The following NLRC5 variants were observed in gnomAD, a reference collection of about 807,000 sequenced individuals.
NLRC5 encodes the protein protein NLRC5.
A neutral mutation model predicts 206.9 loss-of-function variants in NLRC5; 114 were observed. The observed-to-expected ratio is 0.55, with a 90% CI of 0.47 to 0.64. The LOEUF (loss-of-function observed/expected upper bound fraction) is 0.64, where lower values mean the gene tolerates loss of function less well. Among genes scored for constraint, NLRC5 ranks in the 30% least tolerant of loss-of-function variants. NLRC5 has a pLI of 0.00. For missense variants in NLRC5, 2,008 were observed against 2,305.5 expected (o/e 0.87, Z 2.64); for synonymous variants, 952 against 962.8 (o/e 0.99, Z 0.21).
chr16:57,058,246 AC>A, intron 28 of NLRC5, 98 bp downstream of exon 28: 1 of 1,005,214 alleles, frequency 9.9e-7, no homozygotes, highest in Non-Finnish European at 1.5e-6. Context: ...CCCCCAGAGC[AC>A]CAGAGGACAA....
rs778065711 is a variant in NLRC5, at chr16:57,055,100, C to A, written c.3659+6C>A. ...GAGGAAGGCGTGTGCTGTGGGTAAG[C>A]CCCCTTGAACCATGCCTAGGCAGCT... is the stretch of plus-strand genomic sequence containing the variant. On this transcript the variant is annotated splice_donor_region_variant and intron_variant, in intron 26 of 48. Transcript: ENST00000688547. The A allele has an allele frequency of 6.2e-7, 1 of 1,613,890 alleles. No individual in the cohort carries two copies. The highest frequency in any genetic ancestry group is 1.7e-5 in the Admixed American group (1 of 59,992).
intron 33 of NLRC5, 21 bp downstream of exon 33, chr16:57,065,319 C>A: frequency 6.7e-7 from 1 of 1,503,416 alleles, no homozygotes; most frequent in African/African-American, 1.4e-5. Context: ...AGAAGAGGCC[C>A]CTTTGGAATT....
chr16:57,067,424 C>T lies in NLRC5; in HGVS notation c.4360C>T (p.Leu1454Phe), dbSNP rs1175807882. Residue 1454 changes from leucine (L) to phenylalanine (F), a missense_variant, in exon 35 of 49, where the codon CTT becomes TTT. Leu to Phe is a conservative substitution (Grantham distance 22). Transcript: ENST00000688547. ...HCDLGAHHSL[L>F]VGQLMETCAR... ...TGACCTTGGAGCCCACCACAGCCTT[C>T]TTGTCGGGCAGCTGATGGAGACATG... The T allele has an allele frequency of 6.2e-7, 1 of 1,614,136 alleles. No individual in the cohort carries two copies. Among genetic ancestry groups the T allele is most frequent in the Non-Finnish European group, 8.5e-7 (1 of 1,180,054 alleles).
In NLRC5 at chr16:57,081,735, C is replaced by G. The variant is rs539758929; in HGVS notation, c.5489+125C>G. 1.5e-3 allele frequency: 1,100 copies of G among 757,526 alleles called. 31 individuals are homozygous for G. In the South Asian group the frequency reaches 0.017, roughly 12 times the overall value. The allele number at this position is 757,526 out of a possible 1,614,324, so 46.9% of individuals were successfully genotyped here. A position where few individuals can be genotyped will look rare whatever the true frequency, so the allele number is the denominator to read the frequency against. ...GGATTATCAAAGGAGACTTGGACCA[C>G]TCCACCAAGAATTTGGCAGCAAGCA... On this transcript the variant is annotated intron_variant, in intron 48 of 48. Transcript: ENST00000688547.
Position 57,051,540 on chromosome 16 carries a change from T to C in NLRC5, c.3425T>C (p.Leu1142Ser). 6.2e-7 allele frequency: 1 copy of C among 1,612,448 alleles called. No individual in the cohort carries two copies. Among genetic ancestry groups the C allele is most frequent in the South Asian group, 1.1e-5 (1 of 91,044 alleles). Residue 1142 changes from leucine to serine, a missense_variant and splice_region_variant, in exon 24 of 49, where the codon TTG (leucine) becomes TCG (serine). Coordinates refer to ENST00000688547, the MANE Select transcript of NLRC5 (RefSeq NM_001384950.1). ...KDCPGPLELQ[L>S]SCEFLSDQSL... is the part of the protein sequence containing the mutation. ...CATCCACCTGCTTTGTTTCACAGAT[T>C]GTCCTGTGAGTTCCTGAGTGACCAG...
chr16:57,037,795 C>T (rs1477216522), intron 15 of NLRC5, among the ~76,000 whole-genome samples: 3 of 152,256 alleles, frequency 2.0e-5, no homozygotes, highest in Middle Eastern at 3.4e-3. Flanking sequence ...TAAGTCTCGC[C>T]GTTGAGTATG....
At chr16:56,991,678 CTTTTTTTTTTTT>C (rs35559322) in intron 1 of NLRC5, among the ~76,000 whole-genome samples, 75 of 105,632 alleles carry the variant, frequency 7.1e-4, no homozygotes, top group African/African-American at 2.7e-3. Flanking sequence ...GCCCGGACTC[CTTTTTTTTTTTT>C]TTTTTTTTTT....
At chr16:57,076,422 G>A (rs2068406884) in intron 39 of NLRC5, among the ~76,000 whole-genome samples, 1 of 152,214 alleles carries the variant, frequency 6.6e-6, no homozygotes, top group African/African-American at 2.4e-5. Context: ...CCTGAGAACT[G>A]ATCTGCGTGA....
chr16:57,077,044 C>G, intron 40 of NLRC5, 142 bp downstream of exon 40: 1 of 797,434 alleles, frequency 1.3e-6, no homozygotes, highest in South Asian at 1.6e-5. Context: ...AACCTGGGGC[C>G]TAGAAGCTTG....
chr16:57,011,720 C>A (rs76417171), intron 1 of NLRC5, among the ~76,000 whole-genome samples: 9 of 135,866 alleles, frequency 6.6e-5, no homozygotes, highest in East Asian at 4.3e-4. Context: ...GACCCTGTGT[C>A]AAAAAAAAAA....
rs781610538 is a variant in NLRC5, at chr16:57,042,059, C to T, written c.3107C>T (p.Ser1036Phe). Residue 1036 changes from serine (S) to phenylalanine (F), a missense_variant, in exon 19 of 49, where the codon TCC (serine) becomes TTC (phenylalanine). By Grantham distance (155) the Ser-to-Phe change is radical. Coordinates refer to ENST00000688547, the MANE Select transcript of NLRC5 (RefSeq NM_001384950.1). ...QLLPGLGALQSLNLSENGLSL... is the reference protein window; with the variant it reads ...QLLPGLGALQFLNLSENGLSL... ...CTCCCAGGGCTGGGAGCTCTGCAGTCCTTGAAGTGAGTAGCCCGCTAGGCA... is the reference window on the plus strand; with the variant it reads ...CTCCCAGGGCTGGGAGCTCTGCAGTTCTTGAAGTGAGTAGCCCGCTAGGCA... 6.5e-7 allele frequency: 1 copy of T among 1,547,922 alleles called. No individual in the cohort carries two copies. The highest frequency in any genetic ancestry group is 8.7e-7 in the Non-Finnish European group (1 of 1,149,808).
chr16:57,031,191 C>T lies in NLRC5; in HGVS notation c.2418-213C>T, dbSNP rs199475979. On this transcript the variant is annotated intron_variant, in intron 10 of 48. Coordinates refer to ENST00000688547, the MANE Select transcript of NLRC5 (RefSeq NM_001384950.1). ...AAATTGTTTTTCTGACTTTTTAAAA[C>T]ACTCTTGCAGGATTCATCAAGCAAA... 3.8e-4 allele frequency among the ~76,000 whole-genome samples: 58 copies of T among 152,002 alleles called. No homozygotes were observed. The highest frequency in any genetic ancestry group is 1.4e-3 in the African/African-American group (57 of 41,446).
intron 23 of NLRC5, among the ~76,000 whole-genome samples, chr16:57,048,731 A>T (rs1279702366): frequency 2.0e-5 from 3 of 151,974 alleles, no homozygotes; most frequent in African/African-American, 7.3e-5. Context: ...GCAGGGTTTC[A>T]CCATGTTGGC....
At chr16:57,041,371 C>G (rs2063269281) in intron 17 of NLRC5, 114 bp from the exon 18 acceptor site, 2 of 787,032 alleles carry the variant, frequency 2.5e-6, no homozygotes, top group South Asian at 3.4e-5. Context: ...ACATCCCAGT[C>G]CCTCCTCTCC....
chr16:57,011,412 CAAAAAAAA>C (rs34846080), intron 1 of NLRC5, among the ~76,000 whole-genome samples: 1 of 120,590 alleles, frequency 8.3e-6, no homozygotes, highest in African/African-American at 3.3e-5. Flanking sequence ...GACTCCGTCT[CAAAAAAAA>C]AAAAAAAAAT....
At chr16:57,081,332 T>C (rs1201205695) in intron 47 of NLRC5, 151 bp downstream of exon 47, 2 of 916,712 alleles carry the variant, frequency 2.2e-6, no homozygotes, top group Non-Finnish European at 3.3e-6. Flanking sequence ...CCAGGCTTAG[T>C]TCCCCCTGGG....
chr16:57,015,740 C>T (rs1195767025), intron 1 of NLRC5, among the ~76,000 whole-genome samples: 2 of 151,716 alleles, frequency 1.3e-5, no homozygotes, highest in Admixed American at 1.3e-4. Flanking sequence ...CCAGCCTGAC[C>T]AACATGGAGA....
intron 23 of NLRC5, chr16:57,047,972 G>A (rs1055546863): frequency 1.7e-5 from 5 of 290,788 alleles, no homozygotes; most frequent in East Asian, 6.4e-5. Context: ...TGGCTGGAGC[G>A]TAGCACTTCT....
At chr16:57,038,730 T>A (rs1191768260) in intron 15 of NLRC5, among the ~76,000 whole-genome samples, 1 of 149,618 alleles carries the variant, frequency 6.7e-6, no homozygotes, top group Non-Finnish European at 1.5e-5. Context: ...AGGTCAGGAG[T>A]TCAAGACCAG....
Sources: gnomAD v4.1 joint callset for allele counts (sites outside exome capture counted in the v4.1 genomes callset) on GRCh38, gnomAD v4.1.1 for gene constraint, MANE v1.5 for transcripts, NCBI Gene and HGNC (gene_info 2026-07-23, HGNC 2026-07-21) for gene names.